The following DOCK1 variants were observed in gnomAD, a reference collection of about 807,000 sequenced individuals.
DOCK1 encodes dedicator of cytokinesis protein 1.
In DOCK1, 138 loss-of-function variants were observed where a neutral mutation model predicts 262.7. The observed-to-expected ratio is 0.53, with a 90% CI of 0.46 to 0.61. DOCK1 has a LOEUF of 0.61. Among genes scored for constraint, DOCK1 ranks in the 20% least tolerant of loss-of-function variants. DOCK1 has a pLI of 0.00. For missense variants in DOCK1, 1,908 were observed against 2,370.7 expected (o/e 0.80, Z 4.05); for synonymous variants, 866 against 867.4 (o/e 1.00, Z 0.03).
chr10:127,179,607 A>T lies in DOCK1; in HGVS notation c.2847+51843A>T, dbSNP rs2055527866. ...CATTAAGAATTACTAAGGTGGACAC[A>T]TCTTTTCGGGGTGTTCATTTGCTCT... On this transcript the variant is annotated intron_variant, in intron 27 of 51. Transcript: ENST00000623213. 2.0e-5 allele frequency among the ~76,000 whole-genome samples: 3 copies of T among 152,130 alleles called. No individual in the cohort carries two copies. In the South Asian group the frequency reaches 6.2e-4, roughly 31 times the overall value.
chr10:127,286,739 ATGT>A (rs2061167025), intron 29 of DOCK1, among the ~76,000 whole-genome samples: 1 of 152,140 alleles, frequency 6.6e-6, no homozygotes, highest in South Asian at 2.1e-4. Context: ...TCCTTAGAAA[ATGT>A]TGTTTTATAC....
chr10:127,365,932 A>G (rs921689821), intron 33 of DOCK1, among the ~76,000 whole-genome samples: 3 of 152,254 alleles, frequency 2.0e-5, no homozygotes, highest in East Asian at 1.9e-4. Flanking sequence ...GTCAGGAGAC[A>G]TCTTTCCAGA....
At chr10:126,954,879 CTGTGAACCTTGG>C (rs1234900767) in intron 1 of DOCK1, among the ~76,000 whole-genome samples, 1 of 152,142 alleles carries the variant, frequency 6.6e-6, no homozygotes, top group East Asian at 1.9e-4. Flanking sequence ...AATAATGCTG[CTGTGAACCTTGG>C]TGTACAAGTT....
At chr10:127,232,787 G>C (rs770542278) in intron 27 of DOCK1, among the ~76,000 whole-genome samples, 6 of 152,152 alleles carry the variant, frequency 3.9e-5, no homozygotes, top group Non-Finnish European at 7.4e-5. Flanking sequence ...TTTTAACTGT[G>C]TAGCCAGATA....
chr10:127,354,294 G>A (rs1590650061), intron 31 of DOCK1, among the ~76,000 whole-genome samples: 1 of 152,220 alleles, frequency 6.6e-6, no homozygotes, highest in Non-Finnish European at 1.5e-5. Flanking sequence ...AAAGCAACCT[G>A]TTGTGTGCAG....
chr10:127,367,645 A>C (rs2064996752), intron 33 of DOCK1, among the ~76,000 whole-genome samples: 1 of 152,184 alleles, frequency 6.6e-6, no homozygotes, highest in Non-Finnish European at 1.5e-5. Flanking sequence ...CCAGATGTGC[A>C]CAGCGGCCTT....
intron 2 of DOCK1, among the ~76,000 whole-genome samples, chr10:126,973,823 T>C (rs2038299796): frequency 6.6e-6 from 1 of 152,216 alleles, no homozygotes; most frequent in African/African-American, 2.4e-5. Context: ...ATTTTCTTTT[T>C]CTTTCCTTGG....
intron 1 of DOCK1, among the ~76,000 whole-genome samples, chr10:126,934,104 A>G (rs2034380144): frequency 6.6e-6 from 1 of 151,504 alleles, no homozygotes; most frequent in African/African-American, 2.4e-5. Context: ...TGTGTTATCC[A>G]CTGCACCCAA....
At chr10:127,192,367 A>G (rs1564889458) in intron 27 of DOCK1, among the ~76,000 whole-genome samples, 1 of 152,222 alleles carries the variant, frequency 6.6e-6, no homozygotes, top group Admixed American at 6.5e-5. Flanking sequence ...CTTGTCCCTA[A>G]TATCTGCTGT....
chr10:127,125,116 C>G (rs1178693108), intron 25 of DOCK1, among the ~76,000 whole-genome samples: 2 of 152,088 alleles, frequency 1.3e-5, no homozygotes, highest in Non-Finnish European at 2.9e-5. Context: ...GACTCCGTCT[C>G]AAAAACAAAA....
At chr10:127,195,155 A>C (rs566949220) in intron 27 of DOCK1, among the ~76,000 whole-genome samples, 1 of 152,132 alleles carries the variant, frequency 6.6e-6, no homozygotes, top group Non-Finnish European at 1.5e-5. Context: ...TCTTTATCCA[A>C]GCAGTGGGGA....
intron 38 of DOCK1, among the ~76,000 whole-genome samples, chr10:127,393,800 C>T (rs1175333206): frequency 3.3e-5 from 5 of 152,112 alleles, no homozygotes; most frequent in Non-Finnish European, 7.3e-5. Context: ...TTCAGCCTAG[C>T]TCTTGGTTTC....
intron 1 of DOCK1, among the ~76,000 whole-genome samples, chr10:126,955,487 A>G (rs2036656864): frequency 6.6e-6 from 1 of 152,180 alleles, no homozygotes; most frequent in African/African-American, 2.4e-5. Flanking sequence ...TTTTGTAGCC[A>G]GTCCTGCTGG....
Position 127,358,469 on chromosome 10 carries a change from G to A in DOCK1, c.3284-3595G>A, listed in dbSNP as rs537301395. On this transcript the variant is annotated intron_variant, in intron 32 of 51. Coordinates refer to ENST00000623213, the MANE Select transcript of DOCK1 (RefSeq NM_001290223.2). ...AGTTATTTATCAAAGCGCACTCTGT[G>A]CAGCAGCCTGCCGGAGCACCTGATC... 2.0e-5 allele frequency among the ~76,000 whole-genome samples: 3 copies of A among 152,334 alleles called. No homozygotes were observed. In the South Asian group the frequency reaches 6.2e-4, roughly 32 times the overall value.
chr10:127,416,780 G>C (rs2068180818), intron 44 of DOCK1, among the ~76,000 whole-genome samples: 1 of 152,206 alleles, frequency 6.6e-6, no homozygotes, highest in African/African-American at 2.4e-5. Context: ...CCTGGAGTGT[G>C]CATTTGTTGA....
chr10:127,226,134 C>T (rs2058629814), intron 27 of DOCK1, among the ~76,000 whole-genome samples: 1 of 150,872 alleles, frequency 6.6e-6, no homozygotes, highest in Non-Finnish European at 1.5e-5. Flanking sequence ...CTTAAGTGAT[C>T]ACCCAAGTTG....
chr10:126,927,316 G>A (rs1219651704), intron 1 of DOCK1, among the ~76,000 whole-genome samples: 2 of 152,262 alleles, frequency 1.3e-5, no homozygotes, highest in African/African-American at 2.4e-5. Context: ...ACTGCCTTCC[G>A]TCCAGAGGGA....
At chr10:127,211,018 T>G (rs528656535) in intron 27 of DOCK1, among the ~76,000 whole-genome samples, 1 of 152,326 alleles carries the variant, frequency 6.6e-6, no homozygotes, top group South Asian at 2.1e-4. Flanking sequence ...TTTAGAACAC[T>G]TTATATCCAC....
intron 10 of DOCK1, among the ~76,000 whole-genome samples, chr10:127,006,310 C>T (rs571148991): frequency 6.6e-4 from 101 of 152,334 alleles, no homozygotes; most frequent in African/African-American, 2.3e-3. Context: ...TCACTCTTGT[C>T]CCAACGCCAC....
Sources: gnomAD v4.1 joint callset for allele counts (sites outside exome capture counted in the v4.1 genomes callset) on GRCh38, gnomAD v4.1.1 for gene constraint, MANE v1.5 for transcripts, NCBI Gene and HGNC (gene_info 2026-07-23, HGNC 2026-07-21) for gene names.